PTPRO: variants seen among roughly 807,000 people sequenced by gnomAD.
PTPRO encodes receptor-type tyrosine-protein phosphatase O.
PTPRO carries 62 observed loss-of-function variants against 145.2 expected under a neutral mutation model. The observed-to-expected ratio is 0.43, with a 90% confidence interval of 0.35 to 0.53. The LOEUF is 0.53. Among genes scored for constraint, PTPRO ranks in the 20% least tolerant of loss-of-function variants. The probability of loss-of-function intolerance (pLI) is 0.01; values close to 1 mark genes in which losing one functional copy is unlikely to be tolerated. For missense variants in PTPRO, 1,345 were observed against 1,482.7 expected (o/e 0.91, Z 1.53); for synonymous variants, 565 against 514.7 (o/e 1.10, Z -1.32).
chr12:15,425,161 C>A (rs887424491), intron 1 of PTPRO, among the ~76,000 whole-genome samples: 7 of 152,036 alleles, frequency 4.6e-5, no homozygotes, highest in African/African-American at 1.7e-4. Flanking sequence ...TGCTCATACT[C>A]CCACGGTACT....
At chr12:15,460,506 A>G (rs890273382) in intron 1 of PTPRO, among the ~76,000 whole-genome samples, 3 of 152,196 alleles carry the variant, frequency 2.0e-5, no homozygotes, top group Admixed American at 6.5e-5. Flanking sequence ...TAATGAAGAG[A>G]GTCTTCATTG....
At chr12:15,519,540 T>C (rs572514354) in intron 9 of PTPRO, among the ~76,000 whole-genome samples, 1 of 152,222 alleles carries the variant, frequency 6.6e-6, no homozygotes, top group Admixed American at 6.5e-5. Context: ...AGCAATCAAG[T>C]GCTTACTGCT....
chr12:15,400,356 C>G (rs1406551284), intron 1 of PTPRO, among the ~76,000 whole-genome samples: 1 of 152,124 alleles, frequency 6.6e-6, no homozygotes, highest in African/African-American at 2.4e-5. Context: ...TGTGATGAAA[C>G]CCCCAGCAGC....
Position 15,371,057 on chromosome 12 carries a change from T to C in PTPRO, c.75+48256T>C, listed in dbSNP as rs762087432. Reference sequence around the variant, plus strand: ...ATAATGCAAGTTATAATCTGGATCTTCAGCAAACTATTCAGATCAGCTTTT... The same window carrying C: ...ATAATGCAAGTTATAATCTGGATCTCCAGCAAACTATTCAGATCAGCTTTT... On this transcript the variant is annotated intron_variant, in intron 1 of 26. Transcript: ENST00000281171. Among the ~76,000 whole-genome samples the C allele has an allele frequency of 1.4e-3, 217 of 152,344 alleles. 1 individual carries two copies. Among genetic ancestry groups the C allele is most frequent in the Middle Eastern group, 3.4e-3 (1 of 294 alleles).
At chr12:15,436,475 G>C (rs540684764) in intron 1 of PTPRO, among the ~76,000 whole-genome samples, 4 of 152,180 alleles carry the variant, frequency 2.6e-5, no homozygotes, top group Non-Finnish European at 4.4e-5. Flanking sequence ...AAAGTGAGTA[G>C]AGCCCCAGTA....
chr12:15,431,459 C>T (rs1353721923), intron 1 of PTPRO, among the ~76,000 whole-genome samples: 1 of 152,158 alleles, frequency 6.6e-6, no homozygotes, highest in Admixed American at 6.5e-5. Context: ...AAAAATTTCA[C>T]ATAAGGAGCC....
Position 15,565,946 on chromosome 12 carries a change from T to C in PTPRO, c.2747+318T>C, listed in dbSNP as rs145806015. The stretch of plus-strand genomic sequence containing the variant: ...AAATACAGTATATGAAAATCTAATA[T>C]TTAACTACATCAAAGGGTTTCAAAA... On this transcript the variant is annotated intron_variant, in intron 18 of 26. Transcript: ENST00000281171. Among the ~76,000 whole-genome samples, 11 of 152,314 alleles carry C rather than the reference T, an allele frequency of 7.2e-5. No homozygotes were observed. The East Asian group carries it at 1.7e-3, about 24-fold the overall frequency.
intron 1 of PTPRO, among the ~76,000 whole-genome samples, chr12:15,436,188 C>T (rs990141352): frequency 1.3e-5 from 2 of 152,108 alleles, no homozygotes; most frequent in Non-Finnish European, 2.9e-5. Context: ...AGATCTAAAA[C>T]TGACACCCTA....
At chr12:15,465,815 G>A (rs1410541755) in intron 1 of PTPRO, among the ~76,000 whole-genome samples, 1 of 152,152 alleles carries the variant, frequency 6.6e-6, no homozygotes. Context: ...AGATAAGATG[G>A]ATGGTAAATA....
At chr12:15,448,055 G>C (rs1940946944) in intron 1 of PTPRO, among the ~76,000 whole-genome samples, 1 of 151,984 alleles carries the variant, frequency 6.6e-6, no homozygotes, top group Non-Finnish European at 1.5e-5. Flanking sequence ...TGTGGTAACT[G>C]TAATAATAGA....
At position 15,498,178 on chromosome 12, in the gene PTPRO, T is replaced by A. The variant is rs561211291; in HGVS notation, c.508+775T>A. 2.6e-5 allele frequency among the ~76,000 whole-genome samples: 4 copies of A among 152,294 alleles called. No individual in the cohort carries two copies. The East Asian group carries it at 7.7e-4, about 29-fold the overall frequency. ...GTATTGAAGCACACAGAGCATGACA[T>A]CCAGGAAAATGTCATTTTCACTTGC... On this transcript the variant is annotated intron_variant, in intron 3 of 26. Transcript: ENST00000281171.
At chr12:15,327,370 C>T (rs533488608) in intron 1 of PTPRO, among the ~76,000 whole-genome samples, 2 of 152,134 alleles carry the variant, frequency 1.3e-5, no homozygotes, top group African/African-American at 4.8e-5. Flanking sequence ...TATGGGTGAC[C>T]TACAATTTCA....
chr12:15,472,610 CA>C (rs1423875850), intron 1 of PTPRO, among the ~76,000 whole-genome samples: 1 of 152,224 alleles, frequency 6.6e-6, no homozygotes, highest in Non-Finnish European at 1.5e-5. Context: ...CCCTCACACC[CA>C]TCTGCAGGAG....
intron 1 of PTPRO, among the ~76,000 whole-genome samples, chr12:15,437,110 G>A (rs1434265582): frequency 6.6e-6 from 1 of 151,614 alleles, no homozygotes; most frequent in Non-Finnish European, 1.5e-5. Flanking sequence ...GATGTATATG[G>A]TGGTACAGAG....
chr12:15,393,691 T>C (rs1319783828), intron 1 of PTPRO, among the ~76,000 whole-genome samples: 1 of 151,994 alleles, frequency 6.6e-6, no homozygotes, highest in Admixed American at 6.6e-5. Flanking sequence ...TACAGGCAAC[T>C]TGCCAGGACA....
At chr12:15,442,034 A>G (rs1940781439) in intron 1 of PTPRO, among the ~76,000 whole-genome samples, 1 of 152,140 alleles carries the variant, frequency 6.6e-6, no homozygotes, top group Admixed American at 6.6e-5. Flanking sequence ...AAACCTGGCA[A>G]AGACACAATG....
chr12:15,538,439 G>T (rs918730171), intron 12 of PTPRO, among the ~76,000 whole-genome samples: 1 of 152,134 alleles, frequency 6.6e-6, no homozygotes, highest in Admixed American at 6.5e-5. Flanking sequence ...TGGTCAGGCT[G>T]GTCCCGAACT....
chr12:15,385,594 C>T (rs550772514), intron 1 of PTPRO, among the ~76,000 whole-genome samples: 1 of 152,034 alleles, frequency 6.6e-6, no homozygotes, highest in Admixed American at 6.6e-5. Context: ...GTGGGCAGAT[C>T]TGAGGTCAGG....
Position 15,586,950 on chromosome 12 carries a change from T to C in PTPRO, c.3309T>C (p.His1103=). The C allele has an allele frequency of 6.2e-7, 1 of 1,614,162 alleles. No individual in the cohort carries two copies. ...TTAACTACACTGCATGGCCTGATCA[T>C]GGTGTGCCCACAGCAAATGCTGCAG... ...MHFNYTAWPD[H]GVPTANAAES... is the part of the protein sequence containing the mutation. Residue 1103 remains histidine, a synonymous_variant, in exon 24 of 27, where the codon CAT becomes CAC. Transcript: ENST00000281171.
Sources: gnomAD v4.1 joint callset for allele counts (sites outside exome capture counted in the v4.1 genomes callset) on GRCh38, gnomAD v4.1.1 for gene constraint, MANE v1.5 for transcripts, NCBI Gene and HGNC (gene_info 2026-07-23, HGNC 2026-07-21) for gene names.